The following NALF1 variants were observed in gnomAD, a reference collection of about 807,000 sequenced individuals.
The protein encoded by NALF1 is NALCN channel auxiliary factor 1.
NALF1 carries 3 observed loss-of-function variants against 48.4 expected under a neutral mutation model. The ratio of observed to expected loss-of-function variants is 0.06; its 90% CI spans 0.03 to 0.16. The LOEUF is 0.16. Ranked by LOEUF, NALF1 falls within the 10% of genes least tolerant of loss-of-function variation. NALF1 has a pLI of 1.00. For missense variants in NALF1, 526 were observed against 571.5 expected, an observed-to-expected ratio of 0.92 and a Z score of 0.81; for synonymous variants, 262 against 245.7, an observed-to-expected ratio of 1.07 and a Z score of -0.62.
chr13:107,241,681 G>T (rs1280671428), intron 1 of NALF1, among the ~76,000 whole-genome samples: 2 of 152,200 alleles, frequency 1.3e-5, no homozygotes, highest in East Asian at 3.9e-4. Context: ...TACTGCAGTT[G>T]CTTAGAAAGC....
At chr13:107,443,217 T>G (rs568032368) in intron 1 of NALF1, among the ~76,000 whole-genome samples, 5 of 147,618 alleles carry the variant, frequency 3.4e-5, no homozygotes, top group East Asian at 2.0e-4. Flanking sequence ...TCTATCTATC[T>G]ATCGATATGT....
chr13:107,223,273 TAC>T (rs149280854), intron 1 of NALF1, among the ~76,000 whole-genome samples: 4 of 152,206 alleles, frequency 2.6e-5, no homozygotes, highest in Admixed American at 6.5e-5. Context: ...TATGTATACA[TAC>T]ACACACATAT....
intron 1 of NALF1, among the ~76,000 whole-genome samples, chr13:107,722,684 G>A (rs1876019998): frequency 6.6e-6 from 1 of 152,116 alleles, no homozygotes; most frequent in South Asian, 2.1e-4. Context: ...TCAAACCTGG[G>A]CTATCTCCAC....
intron 1 of NALF1, among the ~76,000 whole-genome samples, chr13:107,856,850 T>C (rs1880451225): frequency 6.6e-6 from 1 of 152,214 alleles, no homozygotes; most frequent in African/African-American, 2.4e-5. Flanking sequence ...ATCCCATTTG[T>C]ACATCTTCTG....
chr13:107,575,998 A>ATGTG (rs56118452), intron 1 of NALF1, among the ~76,000 whole-genome samples: 55,058 of 150,870 alleles, frequency 0.36, 10,935 homozygotes, highest in South Asian at 0.52. Flanking sequence ...GTGCATGTAT[A>ATGTG]TGTGTGTGTG....
At position 107,602,788 on chromosome 13, in the gene NALF1, A is replaced by T. The variant is rs777032983; in HGVS notation, c.915+262894T>A. On this transcript the variant is annotated intron_variant, in intron 1 of 2. Transcript: ENST00000375915. ...TCATATGGATCCATCCACCTTGCCAACGCCATCGATAGCCTTGCAGGACCA... is the reference window on the plus strand; with the variant it reads ...TCATATGGATCCATCCACCTTGCCATCGCCATCGATAGCCTTGCAGGACCA... Among the ~76,000 whole-genome samples, 5 of 152,346 alleles carry T rather than the reference A, an allele frequency of 3.3e-5. No homozygotes were observed. The South Asian group carries it at 8.3e-4, about 25-fold the overall frequency.
At chr13:107,737,742 C>CA (rs1876508456) in intron 1 of NALF1, among the ~76,000 whole-genome samples, 1 of 152,122 alleles carries the variant, frequency 6.6e-6, no homozygotes, top group South Asian at 2.1e-4. Context: ...TTCGTAGGAG[C>CA]ATATCAGTTA....
At chr13:107,478,747 A>T (rs1291953905) in intron 1 of NALF1, among the ~76,000 whole-genome samples, 1 of 152,104 alleles carries the variant, frequency 6.6e-6, no homozygotes, top group African/African-American at 2.4e-5. Context: ...TTTTTGCATA[A>T]CTAGGAAAAT....
intron 1 of NALF1, among the ~76,000 whole-genome samples, chr13:107,711,384 G>A (rs1875586935): frequency 6.6e-6 from 1 of 152,204 alleles, no homozygotes; most frequent in Non-Finnish European, 1.5e-5. Flanking sequence ...CTCCCAGGCG[G>A]GAGTGCAGTG....
intron 2 of NALF1, among the ~76,000 whole-genome samples, chr13:107,187,469 A>T (rs1879199497): frequency 3.3e-5 from 5 of 152,118 alleles, no homozygotes; most frequent in Admixed American, 3.3e-4. Flanking sequence ...GGGTGAGGGG[A>T]TGGGAAACAA....
intron 2 of NALF1, among the ~76,000 whole-genome samples, chr13:107,178,913 C>G (rs979396459): frequency 1.3e-5 from 2 of 151,850 alleles, no homozygotes; most frequent in Non-Finnish European, 2.9e-5. Flanking sequence ...CCACTGCACT[C>G]CAGCCTGGGT....
At chr13:107,628,999 C>G (rs1265658006) in intron 1 of NALF1, among the ~76,000 whole-genome samples, 1 of 152,102 alleles carries the variant, frequency 6.6e-6, no homozygotes, top group Non-Finnish European at 1.5e-5. Flanking sequence ...TTCTCCAGTA[C>G]ATAAAACTTT....
intron 1 of NALF1, among the ~76,000 whole-genome samples, chr13:107,431,129 C>T (rs1249355406): frequency 6.6e-6 from 1 of 152,052 alleles, no homozygotes; most frequent in Admixed American, 6.6e-5. Context: ...TGTTCTTTGC[C>T]CATTGAGCTT....
chr13:107,238,212 C>A (rs1408232132), intron 1 of NALF1, among the ~76,000 whole-genome samples: 1 of 152,172 alleles, frequency 6.6e-6, no homozygotes, highest in Non-Finnish European at 1.5e-5. Context: ...TGGTGCAGCA[C>A]AACCCATGGA....
At chr13:107,422,827 G>C (rs528338825) in intron 1 of NALF1, among the ~76,000 whole-genome samples, 2 of 152,234 alleles carry the variant, frequency 1.3e-5, no homozygotes, top group African/African-American at 4.8e-5. Context: ...CAGGGTGTTG[G>C]AGGAGAAGAT....
intron 1 of NALF1, among the ~76,000 whole-genome samples, chr13:107,534,342 T>C (rs80190362): frequency 0.041 from 6,195 of 152,256 alleles, 184 homozygotes; most frequent in Non-Finnish European, 0.06. Context: ...TTGATGCATA[T>C]TAACATTTTC....
At chr13:107,516,049 T>C (rs533363584) in intron 1 of NALF1, among the ~76,000 whole-genome samples, 44 of 152,280 alleles carry the variant, frequency 2.9e-4, no homozygotes, top group African/African-American at 1.0e-3. Flanking sequence ...TCAGTGGTTC[T>C]GATAAGAAAA....
chr13:107,457,277 T>C (rs1594072994), intron 1 of NALF1, among the ~76,000 whole-genome samples: 1 of 152,166 alleles, frequency 6.6e-6, no homozygotes, highest in South Asian at 2.1e-4. Context: ...AGCTTAGTAT[T>C]GGGAGGGAAT....
chr13:107,743,168 T>C (rs1382252351), intron 1 of NALF1, among the ~76,000 whole-genome samples: 2 of 152,102 alleles, frequency 1.3e-5, no homozygotes, highest in African/African-American at 4.8e-5. Context: ...GGCTAGGAGG[T>C]CTTACAGAGA....
Sources: gnomAD v4.1 joint callset for allele counts (sites outside exome capture counted in the v4.1 genomes callset) on GRCh38, gnomAD v4.1.1 for gene constraint, MANE v1.5 for transcripts, NCBI Gene and HGNC (gene_info 2026-07-23, HGNC 2026-07-21) for gene names.